The following SGCD variants were observed in gnomAD, a reference collection of about 807,000 sequenced individuals.
The protein encoded by SGCD is delta-sarcoglycan.
SGCD carries 18 observed loss-of-function variants against 36.6 expected under a neutral mutation model. That is an observed-to-expected ratio of 0.49 (90% CI 0.34 to 0.73). SGCD has a LOEUF of 0.73. Ranked by LOEUF, SGCD falls within the 30% of genes least tolerant of loss-of-function variation. SGCD has a pLI of 0.01. For missense variants in SGCD, 387 were observed against 346.7 expected (o/e 1.12, Z -0.92); for synonymous variants, 133 against 130.6 (o/e 1.02, Z -0.12).
intron 1 of SGCD, among the ~76,000 whole-genome samples, chr5:156,072,633 A>G (rs1011821100): frequency 1.1e-4 from 17 of 152,102 alleles, no homozygotes; most frequent in African/African-American, 3.1e-4. Context: ...CTTGAGGAGT[A>G]TCTTTGTGGT....
chr5:156,653,243 G>C (rs1038015429), intron 7 of SGCD, among the ~76,000 whole-genome samples: 2 of 151,710 alleles, frequency 1.3e-5, no homozygotes, highest in African/African-American at 4.8e-5. Context: ...TTTGTTAATA[G>C]GTTTTTATTA....
chr5:156,681,838 A>G (rs1753734501), intron 7 of SGCD, among the ~76,000 whole-genome samples: 1 of 152,228 alleles, frequency 6.6e-6, no homozygotes, highest in Non-Finnish European at 1.5e-5. Flanking sequence ...TTTATTCTCA[A>G]TTTGAGGTTA....
chr5:155,851,230 A>G, the SGCD span, among the ~76,000 whole-genome samples: 1 of 152,158 alleles, frequency 6.6e-6, no homozygotes, highest in Non-Finnish European at 1.5e-5. Flanking sequence ...ATTCATCTTT[A>G]ATATTTTCAA....
the SGCD span, among the ~76,000 whole-genome samples, chr5:155,826,139 A>G: frequency 5.3e-5 from 8 of 152,328 alleles, no homozygotes; most frequent in African/African-American, 1.9e-4. Context: ...TAAGTTAAGC[A>G]AGTCTAGCTC....
chr5:156,589,384 T>G (rs1581216548), intron 5 of SGCD, 66 bp downstream of exon 5: 1 of 863,326 alleles, frequency 1.2e-6, no homozygotes, highest in East Asian at 2.7e-5. Flanking sequence ...GAATTAATGG[T>G]CAAAGGAAAC....
intron 4 of SGCD, among the ~76,000 whole-genome samples, chr5:156,586,474 A>G (rs1435635901): frequency 1.3e-5 from 2 of 152,232 alleles, no homozygotes. Context: ...GCTCTTTGAA[A>G]TGAAGATACT....
the SGCD span, among the ~76,000 whole-genome samples, chr5:155,732,670 C>G: frequency 2.0e-5 from 3 of 152,312 alleles, no homozygotes; most frequent in Middle Eastern, 3.4e-3. Flanking sequence ...AGTCAAAACA[C>G]AAGTTGCTGG....
intron 6 of SGCD, among the ~76,000 whole-genome samples, chr5:156,599,063 C>T (rs2113405260): frequency 6.6e-6 from 1 of 152,164 alleles, no homozygotes. Context: ...TGGAAATGAC[C>T]ACCCCACAAA....
intron 1 of SGCD, among the ~76,000 whole-genome samples, chr5:155,981,521 A>T (rs1393533606): frequency 6.6e-6 from 1 of 152,040 alleles, no homozygotes; most frequent in East Asian, 1.9e-4. Context: ...ATTTTTCTTA[A>T]ACTGATGTTT....
At chr5:156,732,603 C>G (rs1756137037) in intron 7 of SGCD, among the ~76,000 whole-genome samples, 1 of 151,530 alleles carries the variant, frequency 6.6e-6, no homozygotes, top group Non-Finnish European at 1.5e-5. Flanking sequence ...AGGATGATGC[C>G]TCATAGAATG....
intron 3 of SGCD, among the ~76,000 whole-genome samples, chr5:156,459,755 C>G (rs1299343839): frequency 6.6e-6 from 1 of 152,130 alleles, no homozygotes. Context: ...CAAGGTTTAA[C>G]TAAACTGATG....
the SGCD span, among the ~76,000 whole-genome samples, chr5:155,735,545 G>T: frequency 2.6e-5 from 4 of 152,210 alleles, no homozygotes; most frequent in Non-Finnish European, 4.4e-5. Flanking sequence ...GCCACAGCCA[G>T]TGTGAATGCC....
Position 156,762,904 on chromosome 5 carries a change from T to C in SGCD, c.*3514T>C, listed in dbSNP as rs955366898. 3 of 152,208 alleles carry C rather than the reference T, an allele frequency of 2.0e-5. No individual in the cohort carries two copies. The highest frequency in any genetic ancestry group is 4.1e-4 in the South Asian group (2 of 4,826). The allele number at this position is 152,208 out of a possible 1,614,324, so 9.4% of individuals were successfully genotyped here. On this transcript the variant is annotated 3_prime_UTR_variant, in exon 9 of 9. Transcript: ENST00000337851. ...CAGGGAGTAAGCTTACATTTCTGTG[T>C]AGGTTTGGGAATATAGTTACTTGGC...
At chr5:156,404,707 T>A (rs1223252223) in intron 3 of SGCD, among the ~76,000 whole-genome samples, 2 of 152,178 alleles carry the variant, frequency 1.3e-5, no homozygotes, top group East Asian at 3.9e-4. Flanking sequence ...ATGGAAAAAA[T>A]GGGTTTGCTG....
intron 3 of SGCD, among the ~76,000 whole-genome samples, chr5:156,298,028 A>G (rs1766946154): frequency 1.3e-5 from 2 of 151,980 alleles, no homozygotes; most frequent in African/African-American, 4.8e-5. Context: ...GAGTGAAAAT[A>G]TGCAAAGTTT....
At chr5:156,618,610 A>T (rs1254202040) in intron 6 of SGCD, among the ~76,000 whole-genome samples, 2 of 151,716 alleles carry the variant, frequency 1.3e-5, no homozygotes, top group African/African-American at 4.8e-5. Context: ...AAAAAAAAAA[A>T]AAGAGCCAGT....
At chr5:156,725,694 C>T (rs540229416) in intron 7 of SGCD, among the ~76,000 whole-genome samples, 131 of 152,320 alleles carry the variant, frequency 8.6e-4, no homozygotes, top group Non-Finnish European at 1.2e-3. Flanking sequence ...TCCTGCCAGC[C>T]CATTTCCAAG....
At chr5:156,420,680 A>C (rs1005837591) in intron 3 of SGCD, among the ~76,000 whole-genome samples, 6 of 152,124 alleles carry the variant, frequency 3.9e-5, no homozygotes, top group African/African-American at 1.2e-4. Flanking sequence ...TATCAATGAG[A>C]TATTTCCACC....
At chr5:156,264,000 G>A (rs1305779842) in intron 3 of SGCD, among the ~76,000 whole-genome samples, 2 of 152,026 alleles carry the variant, frequency 1.3e-5, no homozygotes, top group South Asian at 4.1e-4. Flanking sequence ...GCTCAAGCAA[G>A]TCTAGTGAAA....
Sources: gnomAD v4.1 joint callset for allele counts (sites outside exome capture counted in the v4.1 genomes callset) on GRCh38, gnomAD v4.1.1 for gene constraint, MANE v1.5 for transcripts, NCBI Gene and HGNC (gene_info 2026-07-23, HGNC 2026-07-21) for gene names.